RBFOX3: variants seen among roughly 807,000 people sequenced by gnomAD.
RBFOX3 encodes RNA binding fox-1 homolog 3.
Under a neutral mutation model 48.7 loss-of-function variants are expected in RBFOX3, and 17 were observed. The observed-to-expected ratio is 0.35, with a 90% CI of 0.24 to 0.52. RBFOX3 has a LOEUF of 0.52. Among genes scored for constraint, RBFOX3 ranks in the 20% least tolerant of loss-of-function variants. RBFOX3 has a pLI of 0.94. For synonymous variants in RBFOX3, 212 were observed against 209.5 expected (o/e 1.01, Z -0.10); for missense variants, 382 against 497.5 (o/e 0.77, Z 2.21).
chr17:79,366,438 G>A (rs768906931), intron 2 of RBFOX3, among the ~76,000 whole-genome samples: 1 of 152,224 alleles, frequency 6.6e-6, no homozygotes, highest in Non-Finnish European at 1.5e-5. Context: ...GCTAACGCCT[G>A]CTCTAAAAGC....
intron 4 of RBFOX3, among the ~76,000 whole-genome samples, chr17:79,228,916 T>C (rs1048235186): frequency 6.6e-6 from 1 of 152,068 alleles, no homozygotes; most frequent in Non-Finnish European, 1.5e-5. Context: ...AACTCTGATA[T>C]TGGAAATGTT....
intron 2 of RBFOX3, among the ~76,000 whole-genome samples, chr17:79,430,103 C>T (rs1387384081): frequency 6.6e-6 from 1 of 152,076 alleles, no homozygotes; most frequent in Non-Finnish European, 1.5e-5. Context: ...TGAGTGATTT[C>T]CCCCAGCGTT....
the RBFOX3 span, among the ~76,000 whole-genome samples, chr17:79,620,032 T>C: frequency 1.6e-3 from 174 of 110,430 alleles, no homozygotes; most frequent in African/African-American, 5.0e-3. Flanking sequence ...CGTGCACACA[T>C]GCATATGCAC....
chr17:79,180,135 GGA>G (rs1172405222), intron 4 of RBFOX3, among the ~76,000 whole-genome samples: 1 of 152,178 alleles, frequency 6.6e-6, no homozygotes, highest in Non-Finnish European at 1.5e-5. Context: ...TCCGCTGCTG[GGA>G]GAGGGGCTGA....
At chr17:79,664,842 A>G in the RBFOX3 span, among the ~76,000 whole-genome samples, 1 of 152,320 alleles carries the variant, frequency 6.6e-6, no homozygotes, top group Admixed American at 6.5e-5. Context: ...GACCTTCTAT[A>G]AGTGGAATCA....
At chr17:79,176,766 T>A (rs116383255) in intron 4 of RBFOX3, among the ~76,000 whole-genome samples, 2,399 of 148,978 alleles carry the variant, frequency 0.016, 77 homozygotes, top group African/African-American at 0.056. Flanking sequence ...AAAAAAAAAA[T>A]GACCGTGGCA....
At chr17:79,664,368 T>G in the RBFOX3 span, among the ~76,000 whole-genome samples, 1 of 149,108 alleles carries the variant, frequency 6.7e-6, no homozygotes, top group African/African-American at 2.5e-5. Flanking sequence ...TTTTTTGAGA[T>G]GGAGTCTCGC....
At chr17:79,271,049 T>TA (rs2067583284) in intron 3 of RBFOX3, among the ~76,000 whole-genome samples, 1 of 151,662 alleles carries the variant, frequency 6.6e-6, no homozygotes, top group African/African-American at 2.4e-5. Flanking sequence ...AAAATGAAAA[T>TA]ATGCATCTTT....
the RBFOX3 span, among the ~76,000 whole-genome samples, chr17:79,629,828 G>A: frequency 6.6e-6 from 1 of 152,104 alleles, no homozygotes; most frequent in African/African-American, 2.4e-5. Flanking sequence ...AATATTGAAT[G>A]CCATTGCAAA....
At chr17:79,530,778 C>A (rs964462846) in intron 1 of RBFOX3, among the ~76,000 whole-genome samples, 20 of 152,264 alleles carry the variant, frequency 1.3e-4, no homozygotes, top group Admixed American at 9.8e-4. Flanking sequence ...CCACATGCCG[C>A]GGGACCACAG....
intron 2 of RBFOX3, among the ~76,000 whole-genome samples, chr17:79,354,943 G>A (rs1246072735): frequency 1.3e-5 from 2 of 152,108 alleles, no homozygotes; most frequent in East Asian, 3.8e-4. Flanking sequence ...CACTTGGTTC[G>A]GCGTCAGCTA....
At chr17:79,332,671 CAG>C (rs1479487511) in intron 2 of RBFOX3, among the ~76,000 whole-genome samples, 1 of 146,170 alleles carries the variant, frequency 6.8e-6, no homozygotes, top group African/African-American at 2.7e-5. Flanking sequence ...GAGATGGAGA[CAG>C]AGAGACAAAG....
chr17:79,594,209 G>A (rs942795131), intron 1 of RBFOX3, among the ~76,000 whole-genome samples: 3 of 152,190 alleles, frequency 2.0e-5, no homozygotes, highest in African/African-American at 7.2e-5. Flanking sequence ...GGGCTGAGAC[G>A]GTGCTAGAAT....
chr17:79,178,304 G>A (rs1330500504), intron 4 of RBFOX3, among the ~76,000 whole-genome samples: 1 of 152,240 alleles, frequency 6.6e-6, no homozygotes, highest in East Asian at 1.9e-4. Context: ...TCAGGGTTCA[G>A]GGGAGATCAG....
chr17:79,092,848 G>C (rs527576465), intron 14 of RBFOX3, among the ~76,000 whole-genome samples: 30 of 152,360 alleles, frequency 2.0e-4, no homozygotes, highest in Middle Eastern at 6.8e-3. Context: ...TCTTGGGCCA[G>C]TGTGGGGTGC....
Position 79,473,224 on chromosome 17 carries a change from C to T in RBFOX3, c.-175+9230G>A, listed in dbSNP as rs1351511466. On this transcript the variant is annotated intron_variant, in intron 2 of 14. Transcript: ENST00000693108. This position sits in a 1 kb window ranked among gnomAD's most constrained non-coding sequence, Gnocchi z 4.2. Reference sequence around the variant, plus strand: ...GGGATCAGGAGCAGCACCTCACGGGCTGGCACCCATCCACAGACCTCACTT... The same window carrying T: ...GGGATCAGGAGCAGCACCTCACGGGTTGGCACCCATCCACAGACCTCACTT... Among the ~76,000 whole-genome samples, 2 of 152,214 alleles carry T rather than the reference C, an allele frequency of 1.3e-5. No homozygotes were observed. The highest frequency in any genetic ancestry group is 2.9e-5 in the Non-Finnish European group (2 of 68,036).
the RBFOX3 span, among the ~76,000 whole-genome samples, chr17:79,620,375 ACACACACATG>A: frequency 6.4e-5 from 9 of 141,508 alleles, no homozygotes; most frequent in Non-Finnish European, 1.2e-4. Context: ...ACACGGACAT[ACACACACATG>A]CACACATGCC....
chr17:79,151,885 G>A (rs2044568210), intron 4 of RBFOX3, among the ~76,000 whole-genome samples: 1 of 93,084 alleles, frequency 1.1e-5, no homozygotes, highest in African/African-American at 4.0e-5. Context: ...GGAGGCGATG[G>A]GAGGGGACCT....
intron 14 of RBFOX3, among the ~76,000 whole-genome samples, chr17:79,092,888 G>A (rs866963931): frequency 6.6e-6 from 1 of 152,110 alleles, no homozygotes; most frequent in African/African-American, 2.4e-5. Context: ...GTGCTTCTAG[G>A]TCACAGCTTG....
Sources: gnomAD v4.1 joint callset for allele counts (sites outside exome capture counted in the v4.1 genomes callset) on GRCh38, gnomAD v4.1.1 for gene constraint, Gnocchi (gnomAD v3.1) non-coding constraint, MANE v1.5 for transcripts, NCBI Gene and HGNC (gene_info 2026-07-23, HGNC 2026-07-21) for gene names.